The following ITGA11 variants were observed in gnomAD, a reference collection of about 807,000 sequenced individuals.
The protein encoded by ITGA11 is integrin alpha-11.
In ITGA11, 97 loss-of-function variants were observed where a neutral mutation model predicts 141.9. That is an observed-to-expected ratio of 0.68 (90% CI 0.58 to 0.81). The LOEUF is 0.81. Ranked by LOEUF, ITGA11 falls within the 30% of genes least tolerant of loss-of-function variation. The pLI is 0.00. For synonymous variants in ITGA11, 658 were observed against 624.6 expected (o/e 1.05, Z -0.80); for missense variants, 1,387 against 1,559.2 (o/e 0.89, Z 1.86).
chr15:68,425,805 G>A (rs747071268), intron 1 of ITGA11, among the ~76,000 whole-genome samples: 1 of 152,240 alleles, frequency 6.6e-6, no homozygotes, highest in African/African-American at 2.4e-5. Flanking sequence ...ATTTCTGGTT[G>A]TCTGGCCCAG....
At position 68,328,182 on chromosome 15, in the gene ITGA11, C is replaced by A. The variant is rs778908600; in HGVS notation, c.1982G>T (p.Arg661Leu). 1.2e-6 allele frequency: 2 copies of A among 1,613,844 alleles called. No homozygotes were observed. Among genetic ancestry groups the A allele is most frequent in the Middle Eastern group, 1.6e-4 (1 of 6,062 alleles). The change falls in exon 16 of 30, where the codon CGC becomes CTC. Residue 661 changes from arginine (R) to leucine (L), a missense_variant. By Grantham distance (102) the Arg-to-Leu change is moderately radical. Transcript: ENST00000315757. The surrounding 1 kb of genome is among the most constrained non-coding windows in gnomAD (Gnocchi z 4.8). ...KINIFHRDCKRSGRDATCLAA... is the reference protein window; with the variant it reads ...KINIFHRDCKLSGRDATCLAA... Reference sequence around the variant, plus strand: ...CAGGCAGGTGGCATCCCTGCCACTGCGCTTGCAGTCTCTGTGGAAGATGTT... The same window carrying A: ...CAGGCAGGTGGCATCCCTGCCACTGAGCTTGCAGTCTCTGTGGAAGATGTT...
chr15:68,397,649 TTTAAAATATATATTATAAA>T lies in ITGA11; in HGVS notation c.164+5250_164+5268del, dbSNP rs1391066552. Among the ~76,000 whole-genome samples, 51 of 117,418 alleles carry T rather than the reference TTTAAAATATATATTATAAA, an allele frequency of 4.3e-4. 1 individual carries two copies. The highest frequency in any genetic ancestry group is 1.7e-3 in the African/African-American group (51 of 29,910). 77.0% of individuals were successfully genotyped at this position (117,418 alleles called of 152,430 possible). A position where few individuals can be genotyped will look rare whatever the true frequency, so the allele number is the denominator to read the frequency against. ...TATATTTAATATATATTTAAAATAT[TTTAAAATATATATTATAAA>T]ATATTTAAAATATTATATTTAAAAT... is the stretch of plus-strand genomic sequence containing the variant. On this transcript the variant is annotated intron_variant, in intron 2 of 29. Coordinates refer to ENST00000315757, the MANE Select transcript of ITGA11 (RefSeq NM_001004439.2).
chr15:68,356,916 A>G (rs923497327), intron 7 of ITGA11, among the ~76,000 whole-genome samples: 1 of 152,164 alleles, frequency 6.6e-6, no homozygotes, highest in Non-Finnish European at 1.5e-5. Context: ...AACAACTGAC[A>G]GCCACGTGAG....
intron 7 of ITGA11, among the ~76,000 whole-genome samples, chr15:68,354,499 C>A (rs931574065): frequency 6.6e-5 from 10 of 152,202 alleles, no homozygotes; most frequent in African/African-American, 2.4e-4. Context: ...CTTTACATGG[C>A]TCACTTCCCA....
chr15:68,417,820 T>C (rs1054557139), intron 1 of ITGA11, among the ~76,000 whole-genome samples: 8 of 152,372 alleles, frequency 5.3e-5, no homozygotes, highest in East Asian at 3.9e-4. Flanking sequence ...CCTCCAGTTT[T>C]AACGCCATGG....
intron 1 of ITGA11, among the ~76,000 whole-genome samples, chr15:68,404,704 C>A (rs1046486384): frequency 6.6e-6 from 1 of 152,094 alleles, no homozygotes; most frequent in African/African-American, 2.4e-5. Flanking sequence ...TACTCTGTGA[C>A]GCCTCCCCAC....
At position 68,328,107 on chromosome 15, in the gene ITGA11, G is replaced by A. The variant is rs1476036494; in HGVS notation, c.2057C>T (p.Thr686Ile). ...TPIFLAPHFQ[T>I]TTVGIRYNAT... ...GGGGCCTGCTTTACCAACAGTTGTT[G>A]TTTGGAAATGGGGTGCCAGGAAGAT... Residue 686 changes from threonine to isoleucine, a missense_variant, in exon 16 of 30, where the codon ACA becomes ATA. Thr to Ile is a moderately conservative substitution (Grantham distance 89, BLOSUM62 -1). Coordinates refer to ENST00000315757, the MANE Select transcript of ITGA11 (RefSeq NM_001004439.2). This position sits in a 1 kb window ranked among gnomAD's most constrained non-coding sequence, Gnocchi z 4.8. 6.2e-7 allele frequency: 1 copy of A among 1,613,572 alleles called. No individual in the cohort carries two copies. Among genetic ancestry groups the A allele is most frequent in the African/African-American group, 1.3e-5 (1 of 74,940 alleles).
chr15:68,319,658 G>A (rs937248515), intron 20 of ITGA11, among the ~76,000 whole-genome samples: 4 of 152,248 alleles, frequency 2.6e-5, no homozygotes, highest in Non-Finnish European at 5.9e-5. Flanking sequence ...GAGCAAGCCT[G>A]CAGGGTGCAC....
At chr15:68,383,607 G>C (rs776201296) in intron 2 of ITGA11, among the ~76,000 whole-genome samples, 1 of 152,158 alleles carries the variant, frequency 6.6e-6, no homozygotes. Flanking sequence ...GCCATTGGAG[G>C]GCTATCTTGC....
chr15:68,331,181 C>G, intron 14 of ITGA11, 70 bp from the exon 15 acceptor site: 1 of 1,331,352 alleles, frequency 7.5e-7, no homozygotes. Flanking sequence ...CCCCGAGCAG[C>G]AGGAACAATC....
chr15:68,347,174 A>G (rs926182826), intron 10 of ITGA11, among the ~76,000 whole-genome samples: 11 of 152,212 alleles, frequency 7.2e-5, no homozygotes, highest in African/African-American at 9.6e-5. Context: ...GCCAGAGCAC[A>G]TGACTCTGCT....
Position 68,350,790 on chromosome 15 carries a change from G to T in ITGA11, c.895-8C>A. The T allele has an allele frequency of 6.2e-7, 1 of 1,609,378 alleles. No individual in the cohort carries two copies. Among genetic ancestry groups the T allele is most frequent in the Non-Finnish European group, 8.5e-7 (1 of 1,177,450 alleles). Reference sequence around the variant, plus strand: ...GTTGTAGTAGCCCAGGACCTGCCAGGGAACAGGGGCAGGAACCACAAACCA... The same window carrying T: ...GTTGTAGTAGCCCAGGACCTGCCAGTGAACAGGGGCAGGAACCACAAACCA... On this transcript the variant is annotated splice_polypyrimidine_tract_variant and splice_region_variant and intron_variant, in intron 8 of 29. Coordinates refer to ENST00000315757, the MANE Select transcript of ITGA11 (RefSeq NM_001004439.2).
At chr15:68,344,068 TG>T (rs1274560980) in intron 10 of ITGA11, among the ~76,000 whole-genome samples, 1 of 151,864 alleles carries the variant, frequency 6.6e-6, no homozygotes, top group Admixed American at 6.6e-5. Flanking sequence ...GACCCAGGAG[TG>T]GGCACTAGGG....
intron 1 of ITGA11, among the ~76,000 whole-genome samples, chr15:68,420,614 T>C (rs1402495581): frequency 2.0e-5 from 3 of 151,416 alleles, no homozygotes; most frequent in Non-Finnish European, 4.4e-5. Context: ...GATTGGCTTA[T>C]CTAAAAGGAG....
intron 3 of ITGA11, among the ~76,000 whole-genome samples, chr15:68,367,943 G>T (rs529750227): frequency 6.6e-6 from 1 of 152,190 alleles, no homozygotes; most frequent in African/African-American, 2.4e-5. Flanking sequence ...CACCAACCAG[G>T]CACCCTCTTC....
Position 68,325,174 on chromosome 15 carries a change from C to T in ITGA11, c.2279G>A (p.Gly760Asp), listed in dbSNP as rs1372421613. 3.3e-5 allele frequency: 54 copies of T among 1,613,784 alleles called. No individual in the cohort carries two copies. The highest frequency in any genetic ancestry group is 4.2e-5 in the Non-Finnish European group (49 of 1,179,872). Residue 760 changes from glycine (G) to aspartate (D), a missense_variant, in exon 18 of 30, where the codon GGC (glycine) becomes GAC (aspartate). Physicochemically the swap from Gly to Asp is moderately conservative, Grantham distance 94. Coordinates refer to ENST00000315757, the MANE Select transcript of ITGA11 (RefSeq NM_001004439.2). The surrounding 1 kb of genome is among the most constrained non-coding windows in gnomAD (Gnocchi z 5.5). ...VEYSLEDPDH[G>D]PMLDDGWPTT... is the part of the protein sequence containing the mutation. ...GGGCCAGCCGTCGTCCAGCATGGGG[C>T]CATGGTCAGGGTCCTCCAGGGAATA...
At chr15:68,403,051 G>GGA (rs1368945511) in intron 1 of ITGA11, 22 bp from the exon 2 acceptor site, 2 of 1,520,634 alleles carry the variant, frequency 1.3e-6, no homozygotes, top group African/African-American at 2.7e-5. Flanking sequence ...GGAGAGGAGA[G>GGA]GAGAAGCAGG....
In ITGA11 at chr15:68,307,272, C is replaced by CTAT; in HGVS notation, c.3381+73_3381+75dup. ...TGCAGCCAGGGGTTGTAGGAAAACT[C>CTAT]TATAGAGGAGCACGGCCAACCCTTT... On this transcript the variant is annotated intron_variant, in intron 28 of 29. Transcript: ENST00000315757. This position sits in a 1 kb window ranked among gnomAD's most constrained non-coding sequence, Gnocchi z 6.1. 1.9e-6 allele frequency: 2 copies of CTAT among 1,068,100 alleles called. No homozygotes were observed. The highest frequency in any genetic ancestry group is 2.8e-6 in the Non-Finnish European group (2 of 717,290). The allele number at this position is 1,068,100 out of a possible 1,614,324, so 66.2% of individuals were successfully genotyped here. A position where few individuals can be genotyped will look rare whatever the true frequency, so the allele number is the denominator to read the frequency against.
Position 68,382,863 on chromosome 15 carries a change from G to T in ITGA11, c.165-13579C>A, listed in dbSNP as rs1035064343. Among the ~76,000 whole-genome samples, 19 of 152,186 alleles carry T rather than the reference G, an allele frequency of 1.2e-4. 1 individual carries two copies. The highest frequency in any genetic ancestry group is 3.3e-4 in the Admixed American group (5 of 15,280). ...TTCAACAGAAGATGACAGAAACCTT[G>T]TCAAGATGGCCTCAGGTTGATAACA... is the stretch of plus-strand genomic sequence containing the variant. On this transcript the variant is annotated intron_variant, in intron 2 of 29. Transcript: ENST00000315757.
Sources: gnomAD v4.1 joint callset for allele counts (sites outside exome capture counted in the v4.1 genomes callset) on GRCh38, gnomAD v4.1.1 for gene constraint, Gnocchi (gnomAD v3.1) non-coding constraint, MANE v1.5 for transcripts, NCBI Gene and HGNC (gene_info 2026-07-23, HGNC 2026-07-21) for gene names.